MAMLD1: variants seen among roughly 807,000 people sequenced by gnomAD.
MAMLD1 encodes mastermind like domain containing 1, also known as mastermind-like domain-containing protein 1.
In MAMLD1, 14 loss-of-function variants were observed where a neutral mutation model predicts 45.0. The observed-to-expected ratio is 0.31, with a 90% CI of 0.21 to 0.49. MAMLD1 has a LOEUF of 0.49. MAMLD1 is among the 20% of genes least tolerant of loss of function. The pLI, the probability that MAMLD1 is intolerant of heterozygous loss-of-function variation, is 0.99. For synonymous variants in MAMLD1, 254 were observed against 247.8 expected (o/e 1.02, Z -0.24); for missense variants, 543 against 603.6 (o/e 0.90, Z 1.05).
chrX:150,410,395 T>C lies in MAMLD1; in HGVS notation c.-63-35059T>C, dbSNP rs1325611454. 4.4e-5 allele frequency among the ~76,000 whole-genome samples: 5 copies of C among 112,655 alleles called. No individual in the cohort carries two copies. In the East Asian group the frequency reaches 1.1e-3, roughly 25 times the overall value. On this transcript the variant is annotated intron_variant, in intron 1 of 7. Transcript: ENST00000370401. ...CTTGCACTCACTCATTAATTTATCA[T>C]TGTGCACCTGCCACATGCCAGGCTG... is the stretch of plus-strand genomic sequence containing the variant.
intron 1 of MAMLD1, among the ~76,000 whole-genome samples, chrX:150,413,377 A>G (rs7882887): frequency 0.014 from 1,585 of 111,687 alleles, 31 homozygotes; most frequent in African/African-American, 0.05. Context: ...AGGGCAATTC[A>G]TAAGCCTGGA....
At chrX:150,469,040 A>G (rs1557406128) in intron 3 of MAMLD1, among the ~76,000 whole-genome samples, 1 of 109,892 alleles carries the variant, frequency 9.1e-6, no homozygotes, top group African/African-American at 3.3e-5. Flanking sequence ...CGATGCCTAC[A>G]ATGACTGTTC....
chrX:150,510,114 A>T, intron 7 of MAMLD1, 68 bp downstream of exon 7: 1 of 712,116 alleles, frequency 1.4e-6, no homozygotes, highest in Non-Finnish European at 2.2e-6. Context: ...TGGGGTGAGA[A>T]TTCATTTCAG....
intron 5 of MAMLD1, among the ~76,000 whole-genome samples, chrX:150,485,874 C>A (rs1210272035): frequency 9.0e-6 from 1 of 111,677 alleles, no homozygotes; most frequent in Non-Finnish European, 1.9e-5. Flanking sequence ...TGACTCAAGG[C>A]TGAGCAGGGT....
intron 1 of MAMLD1, among the ~76,000 whole-genome samples, chrX:150,391,356 CTTTTTTTTG>C (rs1476085457): frequency 1.1e-3 from 121 of 109,732 alleles, no homozygotes; most frequent in African/African-American, 4.0e-3. Context: ...TCTTCTTCTT[CTTTTTTTTG>C]TTTTGTATTG....
At chrX:150,474,294 A>G (rs2036518233) in intron 5 of MAMLD1, among the ~76,000 whole-genome samples, 1 of 112,670 alleles carries the variant, frequency 8.9e-6, no homozygotes, top group Non-Finnish European at 1.9e-5. Context: ...TACAGAGCCC[A>G]CACTCATACT....
At chrX:150,462,559 C>T (rs191934619) in intron 2 of MAMLD1, among the ~76,000 whole-genome samples, 67 of 112,199 alleles carry the variant, frequency 6.0e-4, no homozygotes, top group Non-Finnish European at 4.5e-4. Flanking sequence ...CTGCTACTCT[C>T]AGGATTCACT....
chrX:150,399,914 T>C (rs782381334), intron 1 of MAMLD1, among the ~76,000 whole-genome samples: 1 of 112,405 alleles, frequency 8.9e-6, no homozygotes, highest in Non-Finnish European at 1.9e-5. Context: ...GAGGGGCTGA[T>C]GAGGAGACAT....
chrX:150,487,964 A>G lies in MAMLD1; in HGVS notation c.2040+14162A>G, dbSNP rs181445193. ...CAGACTGGGAGCAGATTCCAGTCAC[A>G]GTATTTTATTACAGTGGTGAACTAT... On this transcript the variant is annotated intron_variant, in intron 5 of 7. Transcript: ENST00000370401. 4.2e-3 allele frequency among the ~76,000 whole-genome samples: 476 copies of G among 113,051 alleles called. 3 individuals are homozygous for G. The highest frequency in any genetic ancestry group is 0.014 in the African/African-American group (451 of 31,187).
At chrX:150,422,612 TCA>T (rs1381978613) in intron 1 of MAMLD1, among the ~76,000 whole-genome samples, 2 of 111,702 alleles carry the variant, frequency 1.8e-5, no homozygotes, top group Non-Finnish European at 3.8e-5. Flanking sequence ...AAATAGGATT[TCA>T]CCATGTTGGC....
intron 1 of MAMLD1, among the ~76,000 whole-genome samples, chrX:150,365,398 G>C (rs940441608): frequency 8.9e-6 from 1 of 112,851 alleles, no homozygotes; most frequent in South Asian, 3.6e-4. Flanking sequence ...CCTGGCGGCC[G>C]GGACGGCCGA....
intron 5 of MAMLD1, among the ~76,000 whole-genome samples, chrX:150,486,298 T>C (rs1237954101): frequency 8.9e-6 from 1 of 111,809 alleles, no homozygotes; most frequent in Non-Finnish European, 1.9e-5. Flanking sequence ...GAATGGCTTC[T>C]AGAATCTCTG....
In MAMLD1 at chrX:150,452,577, G is replaced by A. The variant is rs782122534; in HGVS notation, c.96+6965G>A. Among the ~76,000 whole-genome samples, 8 of 103,263 alleles carry A rather than the reference G, an allele frequency of 7.7e-5. No homozygotes were observed. In the South Asian group the frequency reaches 1.8e-3, roughly 23 times the overall value. The allele number at this position is 103,263 out of a possible 115,157, so 89.7% of individuals were successfully genotyped here. On this transcript the variant is annotated intron_variant, in intron 2 of 7. Coordinates refer to ENST00000370401, the MANE Select transcript of MAMLD1 (RefSeq NM_005491.5). Reference sequence around the variant, plus strand: ...CAAGGCCCAAGGGTATCCTGGAGGGGATGATGTTTCTCTCCTCTCTTTTTT... The same window carrying A: ...CAAGGCCCAAGGGTATCCTGGAGGGAATGATGTTTCTCTCCTCTCTTTTTT...
chrX:150,512,581 C>T lies in MAMLD1; in HGVS notation c.*622C>T. ...CCGCTGCGATGGGAACACAAGTGCCCCTGGCCAACAACCCCAGCTTCAGCC... is the reference window on the plus strand; with the variant it reads ...CCGCTGCGATGGGAACACAAGTGCCTCTGGCCAACAACCCCAGCTTCAGCC... On this transcript the variant is annotated 3_prime_UTR_variant, in exon 8 of 8. Transcript: ENST00000370401. The T allele has an allele frequency of 2.6e-6, 3 of 1,154,071 alleles. No homozygotes were observed. Among genetic ancestry groups the T allele is most frequent in the Non-Finnish European group, 3.4e-6 (3 of 871,391 alleles).
At chrX:150,396,149 ATTTTTTTTT>A (rs151164752) in intron 1 of MAMLD1, among the ~76,000 whole-genome samples, 2 of 39,257 alleles carry the variant, frequency 5.1e-5, no homozygotes, top group African/African-American at 1.1e-4. Flanking sequence ...TACCTGGCTA[ATTTTTTTTT>A]TTTTTTTTTT....
At chrX:150,443,977 G>A (rs2035406501) in intron 1 of MAMLD1, among the ~76,000 whole-genome samples, 1 of 112,243 alleles carries the variant, frequency 8.9e-6, no homozygotes, top group Non-Finnish European at 1.9e-5. Flanking sequence ...GGGCATTTTG[G>A]ATATTGCATT....
chrX:150,430,549 C>T (rs182354968), intron 1 of MAMLD1, among the ~76,000 whole-genome samples: 49 of 111,600 alleles, frequency 4.4e-4, no homozygotes, highest in African/African-American at 1.5e-3. Flanking sequence ...AACTCTTTGC[C>T]TAGCTCTAAA....
chrX:150,413,363 G>C (rs1557402909), intron 1 of MAMLD1, among the ~76,000 whole-genome samples: 26 of 111,509 alleles, frequency 2.3e-4, no homozygotes, highest in Middle Eastern at 4.6e-3. Flanking sequence ...AAATCTGTGG[G>C]CCCAGGGCAA....
intron 4 of MAMLD1, among the ~76,000 whole-genome samples, chrX:150,472,293 T>G (rs1230194694): frequency 8.9e-6 from 1 of 112,489 alleles, no homozygotes; most frequent in Non-Finnish European, 1.9e-5. Context: ...GTATTAGTTA[T>G]CTGTGGCTGC....
Sources: gnomAD v4.1 joint callset for allele counts (sites outside exome capture counted in the v4.1 genomes callset) on GRCh38, gnomAD v4.1.1 for gene constraint, MANE v1.5 for transcripts, NCBI Gene and HGNC (gene_info 2026-07-23, HGNC 2026-07-21) for gene names.